Variants in NFIA observed in about 807,000 individuals in gnomAD.
NFIA encodes nuclear factor I A.
NFIA carries 8 observed loss-of-function variants against 62.8 expected under a neutral mutation model. That is an observed-to-expected ratio of 0.13 (90% CI 0.07 to 0.23). The LOEUF (loss-of-function observed/expected upper bound fraction) is 0.23. NFIA is among the 10% of genes least tolerant of loss of function. The pLI is 1.00. For synonymous variants in NFIA, 235 were observed against 238.1 expected (o/e 0.99, Z 0.12); for missense variants, 410 against 642.1 (o/e 0.64, Z 3.91).
chr1:61,161,323 G>C (rs897390190), intron 2 of NFIA, among the ~76,000 whole-genome samples: 17 of 152,146 alleles, frequency 1.1e-4, no homozygotes, highest in African/African-American at 4.1e-4. Context: ...AAGTTCAAGC[G>C]CTAGAGAGCA....
chr1:61,082,504 G>T (rs1296291592), upstream of NFIA: 1 of 1,228,616 alleles, frequency 8.1e-7, no homozygotes, highest in African/African-American at 1.6e-5. Flanking sequence ...GGTGCGCTAT[G>T]CCTTTAACAC....
intron 2 of NFIA, among the ~76,000 whole-genome samples, chr1:61,212,635 A>G (rs1057267237): frequency 1.3e-5 from 2 of 152,212 alleles, no homozygotes; most frequent in Admixed American, 1.3e-4. Context: ...TATACATTGC[A>G]GTTGTCCTTA....
chr1:61,130,549 T>C (rs1426790898), intron 2 of NFIA, among the ~76,000 whole-genome samples: 2 of 152,208 alleles, frequency 1.3e-5, no homozygotes, highest in Non-Finnish European at 2.9e-5. Flanking sequence ...TTTTTGTTAA[T>C]TGGGTCTTAA....
intron 2 of NFIA, among the ~76,000 whole-genome samples, chr1:61,122,710 A>G (rs752020766): frequency 6.6e-6 from 1 of 152,166 alleles, no homozygotes; most frequent in Non-Finnish European, 1.5e-5. Flanking sequence ...GACTGTGTCT[A>G]GGATTAGACT....
At chr1:61,408,723 A>G (rs757405299) in intron 9 of NFIA, among the ~76,000 whole-genome samples, 8 of 152,208 alleles carry the variant, frequency 5.3e-5, no homozygotes, top group Non-Finnish European at 1.0e-4. Context: ...GTTCAAGTCT[A>G]AAGGATGGGG....
chr1:61,095,879 G>A (rs1646402625), intron 2 of NFIA, among the ~76,000 whole-genome samples: 1 of 151,918 alleles, frequency 6.6e-6, no homozygotes, highest in Non-Finnish European at 1.5e-5. Context: ...GCAGATTTTT[G>A]TACATGGTTT....
At chr1:61,184,424 TG>T (rs1166392535) in intron 2 of NFIA, among the ~76,000 whole-genome samples, 2 of 152,276 alleles carry the variant, frequency 1.3e-5, no homozygotes, top group African/African-American at 4.8e-5. Flanking sequence ...GCATGCCAAA[TG>T]TTCTTGCTGA....
At chr1:61,393,283 C>CGG (rs1231530782) in intron 7 of NFIA, among the ~76,000 whole-genome samples, 6 of 88,966 alleles carry the variant, frequency 6.7e-5, no homozygotes, top group Non-Finnish European at 9.8e-5. Context: ...CTCTCTCTCT[C>CGG]TCTCTCTCCC....
In NFIA at chr1:61,231,869, C is replaced by CA. The variant is rs1261400522; in HGVS notation, c.560-45649dup. On this transcript the variant is annotated intron_variant, in intron 2 of 10. Coordinates refer to ENST00000403491, the MANE Select transcript of NFIA (RefSeq NM_001134673.4). ...TAAAAAACAAACAAACAAACAACAACAACAAAAAAAAACAAAACAAGAAAT... is the reference window on the plus strand; with the variant it reads ...TAAAAAACAAACAAACAAACAACAACAAACAAAAAAAAACAAAACAAGAAAT... Among the ~76,000 whole-genome samples, 17 of 149,478 alleles carry CA rather than the reference C, an allele frequency of 1.1e-4. 1 individual carries two copies. The highest frequency in any genetic ancestry group is 5.3e-4 in the Admixed American group (8 of 15,050).
At chr1:61,300,665 A>G (rs1659447657) in intron 3 of NFIA, among the ~76,000 whole-genome samples, 2 of 151,992 alleles carry the variant, frequency 1.3e-5, no homozygotes, top group Admixed American at 1.3e-4. Context: ...GTATGTATGT[A>G]TATATACACA....
At chr1:61,234,609 G>A (rs1412185759) in intron 2 of NFIA, among the ~76,000 whole-genome samples, 2 of 152,080 alleles carry the variant, frequency 1.3e-5, no homozygotes, top group African/African-American at 4.8e-5. Context: ...GTCCCTCAGA[G>A]AGGCCCCTAA....
Position 61,461,335 on chromosome 1 carries a change from G to T in NFIA, c.*6015G>T, listed in dbSNP as rs1668523181. 6.6e-6 allele frequency: 1 copy of T among 152,170 alleles called. No homozygotes were observed. 9.4% of individuals were successfully genotyped at this position (152,170 alleles called of 1,614,324 possible). A position where few individuals can be genotyped will look rare whatever the true frequency, so the allele number is the denominator to read the frequency against. ...ACATGGCTATTTAGTTTCATGCACA[G>T]TTGCAATATTTTCTTCAAAAATAAA... On this transcript the variant is annotated 3_prime_UTR_variant, in exon 11 of 11. Coordinates refer to ENST00000403491, the MANE Select transcript of NFIA (RefSeq NM_001134673.4).
At chr1:61,429,268 T>G (rs561299592) in intron 10 of NFIA, among the ~76,000 whole-genome samples, 10 of 152,326 alleles carry the variant, frequency 6.6e-5, no homozygotes, top group Admixed American at 3.3e-4. Context: ...CACCTAATCT[T>G]TATAGTCACC....
intron 2 of NFIA, among the ~76,000 whole-genome samples, chr1:61,219,892 G>C (rs1244138576): frequency 6.6e-6 from 1 of 152,130 alleles, no homozygotes; most frequent in African/African-American, 2.4e-5. Flanking sequence ...GGACCCGGGA[G>C]GCAGAGGTTG....
chr1:61,439,163 AG>A (rs1290306389), intron 10 of NFIA, among the ~76,000 whole-genome samples: 2 of 151,962 alleles, frequency 1.3e-5, no homozygotes, highest in Admixed American at 1.3e-4. Flanking sequence ...TGCACCCCCA[AG>A]CCCCCACACT....
At chr1:61,256,915 A>T (rs181177480) in intron 2 of NFIA, among the ~76,000 whole-genome samples, 9 of 152,316 alleles carry the variant, frequency 5.9e-5, no homozygotes, top group African/African-American at 2.2e-4. Flanking sequence ...TCAAGGCTTG[A>T]GAGAAAGATG....
chr1:61,134,280 GTGTGTGTA>G (rs779959003), intron 2 of NFIA, among the ~76,000 whole-genome samples: 1 of 135,496 alleles, frequency 7.4e-6, no homozygotes, highest in Non-Finnish European at 1.6e-5. Flanking sequence ...GTGTGTGTGT[GTGTGTGTA>G]CAGAAAATCC....
At chr1:61,324,716 G>A (rs566109305) in intron 3 of NFIA, among the ~76,000 whole-genome samples, 9 of 152,242 alleles carry the variant, frequency 5.9e-5, no homozygotes, top group South Asian at 2.1e-4. Flanking sequence ...GCTAAAAGGC[G>A]GATAGATGTT....
At chr1:61,306,323 C>CTGGAG (rs925726899) in intron 3 of NFIA, among the ~76,000 whole-genome samples, 2 of 124,020 alleles carry the variant, frequency 1.6e-5, no homozygotes, top group Non-Finnish European at 3.2e-5. Flanking sequence ...GTCATCCAGG[C>CTGGAG]TGGAGTGCAG....
Sources: gnomAD v4.1 joint callset for allele counts (sites outside exome capture counted in the v4.1 genomes callset) on GRCh38, gnomAD v4.1.1 for gene constraint, MANE v1.5 for transcripts, NCBI Gene and HGNC (gene_info 2026-07-23, HGNC 2026-07-21) for gene names.